Variants in MAF observed in about 807,000 individuals in gnomAD.
MAF encodes MAF bZIP transcription factor, also known as transcription factor Maf.
In MAF, 10 loss-of-function variants were observed where a neutral mutation model predicts 22.0. The ratio of observed to expected loss-of-function variants is 0.45; its 90% CI spans 0.28 to 0.77. The LOEUF (loss-of-function observed/expected upper bound fraction) is 0.77. Ranked by LOEUF, MAF falls within the 30% of genes least tolerant of loss-of-function variation. MAF has a pLI of 0.12. For missense variants in MAF, 544 were observed against 548.4 expected (o/e 0.99, Z 0.08); for synonymous variants, 337 against 255.8 (o/e 1.32, Z -3.03).
the MAF span, among the ~76,000 whole-genome samples, chr16:79,535,433 C>T: frequency 2.0e-5 from 3 of 150,840 alleles, no homozygotes; most frequent in East Asian, 2.0e-4. Flanking sequence ...TGGCAAATTA[C>T]AGTACCGTGC....
At chr16:79,352,905 G>A in the MAF span, among the ~76,000 whole-genome samples, 1 of 152,166 alleles carries the variant, frequency 6.6e-6, no homozygotes, top group African/African-American at 2.4e-5. Flanking sequence ...AAAAATAGAT[G>A]GAGAATCAAG....
chr16:79,514,900 G>C, the MAF span, among the ~76,000 whole-genome samples: 2 of 152,092 alleles, frequency 1.3e-5, no homozygotes, highest in African/African-American at 4.8e-5. Flanking sequence ...TTTTCTCTTC[G>C]CAAGCCCTTT....
chr16:79,541,739 C>A, the MAF span, among the ~76,000 whole-genome samples: 1 of 150,606 alleles, frequency 6.6e-6, no homozygotes, highest in African/African-American at 2.5e-5. Context: ...TCACTGCAAC[C>A]TCCACCTCCG....
At chr16:79,217,791 C>G in the MAF span, among the ~76,000 whole-genome samples, 3 of 152,024 alleles carry the variant, frequency 2.0e-5, no homozygotes, top group African/African-American at 7.2e-5. Context: ...GAAATTGAAG[C>G]ATTCCCCAGC....
At chr16:79,306,736 T>G in the MAF span, among the ~76,000 whole-genome samples, 1 of 152,352 alleles carries the variant, frequency 6.6e-6, no homozygotes, top group African/African-American at 2.4e-5. Context: ...TATCTTGGGC[T>G]GGGCAATCCT....
the MAF span, among the ~76,000 whole-genome samples, chr16:79,443,938 A>G: frequency 6.8e-4 from 104 of 152,254 alleles, no homozygotes; most frequent in African/African-American, 2.5e-3. Context: ...ATTTCTATCT[A>G]TGTCATAGTT....
At chr16:79,431,279 T>C in the MAF span, among the ~76,000 whole-genome samples, 2 of 152,196 alleles carry the variant, frequency 1.3e-5, no homozygotes, top group East Asian at 3.9e-4. Context: ...CGAGTTCTGA[T>C]ACTTAGGCTG....
the MAF span, among the ~76,000 whole-genome samples, chr16:79,299,671 C>G: frequency 6.6e-6 from 1 of 152,068 alleles, no homozygotes; most frequent in Non-Finnish European, 1.5e-5. Context: ...TGCACAGTGA[C>G]ATGGCACAGT....
the MAF span, among the ~76,000 whole-genome samples, chr16:79,517,797 A>G: frequency 0.94 from 142,592 of 152,060 alleles, 67,575 homozygotes; most frequent in East Asian, 1. Context: ...CTGGTCTCAA[A>G]CTTCTGACCT....
At chr16:79,324,805 G>C in the MAF span, among the ~76,000 whole-genome samples, 2 of 152,194 alleles carry the variant, frequency 1.3e-5, no homozygotes, top group African/African-American at 4.8e-5. Flanking sequence ...AAACTTGGTG[G>C]CTTAAAACAA....
the MAF span, among the ~76,000 whole-genome samples, chr16:79,501,640 A>G: frequency 6.6e-6 from 1 of 152,222 alleles, no homozygotes; most frequent in Non-Finnish European, 1.5e-5. Context: ...TGCTGAAATT[A>G]TGCTGACTGT....
chr16:79,468,323 G>C, the MAF span, among the ~76,000 whole-genome samples: 1 of 152,174 alleles, frequency 6.6e-6, no homozygotes, highest in Non-Finnish European at 1.5e-5. Flanking sequence ...AGACGGCACT[G>C]GGGGGATGCC....
chr16:79,488,185 G>A, the MAF span, among the ~76,000 whole-genome samples: 1 of 152,142 alleles, frequency 6.6e-6, no homozygotes, highest in Non-Finnish European at 1.5e-5. Flanking sequence ...GGAGAGAGCT[G>A]GGTTCTGTCT....
At chr16:79,393,745 C>A in the MAF span, among the ~76,000 whole-genome samples, 2 of 152,132 alleles carry the variant, frequency 1.3e-5, no homozygotes, top group East Asian at 3.9e-4. Context: ...GGCCTCTGAA[C>A]TTGGACATTA....
downstream of MAF, among the ~76,000 whole-genome samples, chr16:79,585,360 A>C (rs1007811006): frequency 1.3e-5 from 2 of 152,018 alleles, no homozygotes; most frequent in African/African-American, 2.4e-5. Flanking sequence ...GTGGGGACAC[A>C]CTGTGCTTTG....
chr16:79,356,287 T>A, the MAF span, among the ~76,000 whole-genome samples: 2 of 152,054 alleles, frequency 1.3e-5, no homozygotes, highest in Non-Finnish European at 2.9e-5. Context: ...TAAAACCCAG[T>A]TTTTCTTGCA....
At chr16:79,558,546 T>C in the MAF span, among the ~76,000 whole-genome samples, 2 of 152,312 alleles carry the variant, frequency 1.3e-5, no homozygotes, top group Admixed American at 6.5e-5. Flanking sequence ...GAAGGGAAGA[T>C]TGGCATCAGA....
At chr16:79,333,350 C>A in the MAF span, among the ~76,000 whole-genome samples, 2 of 152,074 alleles carry the variant, frequency 1.3e-5, no homozygotes, top group African/African-American at 4.8e-5. Context: ...CTCTGCCTGT[C>A]AGAAGTAGTC....
the MAF span, among the ~76,000 whole-genome samples, chr16:79,344,823 T>G: frequency 1.3e-5 from 2 of 152,200 alleles, no homozygotes; most frequent in East Asian, 3.9e-4. Flanking sequence ...GTAGAAATCA[T>G]TGTCAAGAAC....
Sources: gnomAD v4.1 joint callset for allele counts (sites outside exome capture counted in the v4.1 genomes callset) on GRCh38, gnomAD v4.1.1 for gene constraint, MANE v1.5 for transcripts, NCBI Gene and HGNC (gene_info 2026-07-23, HGNC 2026-07-21) for gene names.